Variants in SASH3 observed in about 807,000 individuals in gnomAD.
SASH3 encodes SAM and SH3 domain containing 3, also known as SAM and SH3 domain-containing protein 3.
Under a neutral mutation model 26.1 loss-of-function variants are expected in SASH3, and 7 were observed. The observed-to-expected ratio is 0.27, with a 90% CI of 0.15 to 0.50. SASH3 has a LOEUF of 0.50. Among genes scored for constraint, SASH3 ranks in the 20% least tolerant of loss-of-function variants. The pLI is 0.98. For synonymous variants in SASH3, 138 were observed against 136.8 expected (o/e 1.01, Z -0.06); for missense variants, 231 against 318.3 (o/e 0.73, Z 2.09).
In SASH3 at chrX:129,780,070, G is replaced by A; in HGVS notation, c.-28G>A. ...CTGCATCTTGACACCTAGGAGAGCA[G>A]GGACGGAGTCTCCCAGGGTGGAGGA... On this transcript the variant is annotated 5_prime_UTR_variant, in exon 1 of 8. Transcript: ENST00000356892. The A allele has an allele frequency of 5.0e-6, 6 of 1,205,410 alleles. No homozygotes were observed. The highest frequency in any genetic ancestry group is 5.9e-5 in the East Asian group (2 of 33,803).
At chrX:129,788,137 G>GGGGTGTGGC in intron 2 of SASH3, 67 bp downstream of exon 2, 1 of 354,276 alleles carries the variant, frequency 2.8e-6, no homozygotes. Flanking sequence ...GGGTGGGAGG[G>GGGGTGTGGC]AAGAGGGTGA....
chrX:129,787,522 C>G (rs1462653923), intron 1 of SASH3, among the ~76,000 whole-genome samples: 1 of 111,770 alleles, frequency 8.9e-6, no homozygotes, highest in Non-Finnish European at 1.9e-5. Flanking sequence ...GACTGGGGAC[C>G]TGGCTCAGAG....
rs749343965 is a variant in SASH3 at position 129,782,036 on chromosome X, C to T, written c.57+1882C>T. On this transcript the variant is annotated intron_variant, in intron 1 of 7. Coordinates refer to ENST00000356892, the MANE Select transcript of SASH3 (RefSeq NM_018990.4). ...GAGGAAAGCACAAAGGCAAGAGAGG[C>T]CTCTTTCTCCTGCCCCTGCTTCTCC... Among the ~76,000 whole-genome samples, 3 of 112,436 alleles carry T rather than the reference C, an allele frequency of 2.7e-5. No individual in the cohort carries two copies. The East Asian group carries it at 8.5e-4, about 32-fold the overall frequency.
Position 129,794,994 on chromosome X carries a change from C to G in SASH3, c.*1162C>G, listed in dbSNP as rs1296625692. 7 of 111,549 alleles carry G rather than the reference C, an allele frequency of 6.3e-5. No homozygotes were observed. The East Asian group carries it at 1.7e-3, about 27-fold the overall frequency. The allele number at this position is 111,549 out of a possible 1,213,427, so 9.2% of individuals were successfully genotyped here. On this transcript the variant is annotated 3_prime_UTR_variant, in exon 8 of 8. Transcript: ENST00000356892. ...TTGACCCCAGTACGAAGTCTATGCC[C>G]TGAATCCCCAGAGTAGCCCTTCCTG...
In SASH3 at chrX:129,791,090, G is replaced by A; in HGVS notation, c.442+9G>A. 1.7e-6 allele frequency: 2 copies of A among 1,205,924 alleles called. No individual in the cohort carries two copies. The highest frequency in any genetic ancestry group is 2.2e-6 in the Non-Finnish European group (2 of 892,004). ...CCGCCAGGCATCAACAGGTGAGTAG[G>A]GGATGCGGGGGACACCTGCCGAATC... On this transcript the variant is annotated intron_variant, in intron 4 of 7. Coordinates refer to ENST00000356892, the MANE Select transcript of SASH3 (RefSeq NM_018990.4).
At chrX:129,788,137 G>GGGGGGGGGGGGGGGGGGC in intron 2 of SASH3, 67 bp downstream of exon 2, 2 of 354,277 alleles carry the variant, frequency 5.6e-6, no homozygotes, top group African/African-American at 2.7e-5. Flanking sequence ...GGGTGGGAGG[G>GGGGGGGGGGGGGGGGGGC]AAGAGGGTGA....
At chrX:129,783,441 C>T (rs750063588) in intron 1 of SASH3, among the ~76,000 whole-genome samples, 35 of 112,011 alleles carry the variant, frequency 3.1e-4, no homozygotes, top group Non-Finnish European at 5.3e-4. Context: ...ACTGGTGGGG[C>T]GGGGCAACAG....
chrX:129,791,499 G>A (rs1018169300), intron 4 of SASH3, among the ~76,000 whole-genome samples: 2 of 112,153 alleles, frequency 1.8e-5, no homozygotes, highest in African/African-American at 3.2e-5. Flanking sequence ...TGCCCCAGTC[G>A]GGGGTGGGCG....
In SASH3 at chrX:129,791,068, C is replaced by T; in HGVS notation, c.429C>T (p.Arg143=). Residue 143 remains arginine (R), a synonymous_variant, in exon 4 of 8, where the codon CGC becomes CGT. Coordinates refer to ENST00000356892, the MANE Select transcript of SASH3 (RefSeq NM_018990.4). ...AGCATGAACTTCCGGTGCTCAGCCGCCAGGCATCAACAGGTGAGTAGGGGA... is the reference window on the plus strand; with the variant it reads ...AGCATGAACTTCCGGTGCTCAGCCGTCAGGCATCAACAGGTGAGTAGGGGA... ...QEEHELPVLS[R]QASTGSELCS... 11 of 1,210,794 alleles carry T rather than the reference C, an allele frequency of 9.1e-6. No homozygotes were observed. Among genetic ancestry groups the T allele is most frequent in the Non-Finnish European group, 1.2e-5 (11 of 895,035 alleles).
intron 1 of SASH3, among the ~76,000 whole-genome samples, chrX:129,783,407 A>G (rs1272113105): frequency 9.0e-6 from 1 of 110,774 alleles, no homozygotes; most frequent in Admixed American, 9.6e-5. Context: ...TCACCACTAC[A>G]CTCAATCCAC....
intron 1 of SASH3, among the ~76,000 whole-genome samples, 194 bp downstream of exon 1, chrX:129,780,348 C>G (rs949580111): frequency 1.8e-5 from 2 of 110,782 alleles, no homozygotes; most frequent in Non-Finnish European, 3.8e-5. Context: ...AATTCTGGAG[C>G]AACAGAGTTA....
rs183008616 is a variant in SASH3, at chrX:129,788,878, C to T, written c.300+301C>T. Among the ~76,000 whole-genome samples the T allele has an allele frequency of 5.5e-5, 6 of 109,660 alleles. No individual in the cohort carries two copies. The East Asian group carries it at 1.4e-3, about 26-fold the overall frequency. On this transcript the variant is annotated intron_variant, in intron 3 of 7. Coordinates refer to ENST00000356892, the MANE Select transcript of SASH3 (RefSeq NM_018990.4). Reference sequence around the variant, plus strand: ...TCCCAGCACTTTGGGAGACTGGGGCCGATCACTTGAGGTCAGGAGTTTGAG... The same window carrying T: ...TCCCAGCACTTTGGGAGACTGGGGCTGATCACTTGAGGTCAGGAGTTTGAG...
intron 2 of SASH3, 63 bp downstream of exon 2, chrX:129,788,133 G>GGGGGGGC: frequency 3.5e-5 from 11 of 312,603 alleles, no homozygotes; most frequent in Non-Finnish European, 4.4e-5. Flanking sequence ...GTGGGGGTGG[G>GGGGGGGC]AGGGAAGAGG....
At chrX:129,793,233 C>G (rs1002198117) in intron 7 of SASH3, 94 bp downstream of exon 7, 11 of 994,134 alleles carry the variant, frequency 1.1e-5, no homozygotes, top group Non-Finnish European at 1.6e-5. Context: ...TGTCCACGCT[C>G]TGCCCTAGGA....
chrX:129,783,076 A>G (rs1051202710), intron 1 of SASH3, among the ~76,000 whole-genome samples: 1 of 111,097 alleles, frequency 9.0e-6, no homozygotes, highest in Middle Eastern at 4.6e-3. Context: ...CACCTCTAGT[A>G]TGACCCCCAC....
intron 1 of SASH3, among the ~76,000 whole-genome samples, 197 bp downstream of exon 1, chrX:129,780,351 C>T (rs1410249440): frequency 9.0e-6 from 1 of 110,924 alleles, no homozygotes; most frequent in Non-Finnish European, 1.9e-5. Context: ...TCTGGAGCAA[C>T]AGAGTTACAG....
intron 2 of SASH3, 107 bp downstream of exon 2, chrX:129,788,177 C>T: frequency 1.5e-6 from 1 of 652,895 alleles, no homozygotes; most frequent in Non-Finnish European, 2.3e-6. Context: ...GGGCGAAGCC[C>T]CCTTTAACAC....
intron 1 of SASH3, among the ~76,000 whole-genome samples, chrX:129,784,389 C>T (rs1927070564): frequency 9.0e-6 from 1 of 111,557 alleles, no homozygotes; most frequent in African/African-American, 3.3e-5. Flanking sequence ...CTACGGCTGA[C>T]AGAGAGAAGG....
At position 129,788,035 on chromosome X, in the gene SASH3, G is replaced by A. The variant is rs771809544; in HGVS notation, c.118G>A (p.Val40Met). The A allele has an allele frequency of 2.9e-5, 35 of 1,200,284 alleles. No homozygotes were observed. Among genetic ancestry groups the A allele is most frequent in the African/African-American group, 8.9e-5 (5 of 56,244 alleles). Reference sequence around the variant, plus strand: ...TGCCAAATCCAAACCCAGCTCCCCCGTGGTGAGCGAGAAGGAGTTTAATCT... The same window carrying A: ...TGCCAAATCCAAACCCAGCTCCCCCATGGTGAGCGAGAAGGAGTTTAATCT... ...DFAKSKPSSP[V>M]VSEKEFNLDD... Residue 40 changes from valine to methionine, a missense_variant, in exon 2 of 8, where the codon GTG becomes ATG. Physicochemically the swap from Val to Met is conservative, Grantham distance 21. Coordinates refer to ENST00000356892, the MANE Select transcript of SASH3 (RefSeq NM_018990.4).
Sources: gnomAD v4.1 joint callset for allele counts (sites outside exome capture counted in the v4.1 genomes callset) on GRCh38, gnomAD v4.1.1 for gene constraint, MANE v1.5 for transcripts, NCBI Gene and HGNC (gene_info 2026-07-23, HGNC 2026-07-21) for gene names.